EPS15: variants seen among roughly 807,000 people sequenced by gnomAD.
EPS15 encodes epidermal growth factor receptor pathway substrate 15.
Under a neutral mutation model 113.8 loss-of-function variants are expected in EPS15, and 72 were observed. The observed-to-expected ratio is 0.63, with a 90% CI of 0.52 to 0.77. The LOEUF (loss-of-function observed/expected upper bound fraction) is 0.77, where lower values mean the gene tolerates loss of function less well. Ranked by LOEUF, EPS15 falls within the 30% of genes least tolerant of loss-of-function variation. The probability of loss-of-function intolerance (pLI) is 0.00; values close to 1 mark genes in which losing one functional copy is unlikely to be tolerated. For synonymous variants in EPS15, 344 were observed against 363.4 expected (o/e 0.95, Z 0.61); for missense variants, 1,048 against 1,045.8 (o/e 1.00, Z -0.03).
chr1:51,409,771 C>T, intron 13 of EPS15, 75 bp from the exon 14 acceptor site: 3 of 1,005,664 alleles, frequency 3.0e-6, no homozygotes, highest in Admixed American at 2.3e-5. Context: ...TTTAAATCTA[C>T]CTTAAGAAAG....
chr1:51,461,746 C>T (rs1473532475), intron 7 of EPS15: 1 of 152,120 alleles, frequency 6.6e-6, no homozygotes, highest in African/African-American at 2.4e-5. Context: ...GGAAACAATA[C>T]TAAAAAATGG....
intron 1 of EPS15, among the ~76,000 whole-genome samples, chr1:51,507,420 T>C (rs998902373): frequency 6.6e-6 from 1 of 152,136 alleles, no homozygotes; most frequent in Non-Finnish European, 1.5e-5. Flanking sequence ...CCCAGCACTT[T>C]GGGAGGCTGA....
chr1:51,452,047 A>T (rs1033306426), intron 8 of EPS15, among the ~76,000 whole-genome samples: 1 of 150,984 alleles, frequency 6.6e-6, no homozygotes, highest in Non-Finnish European at 1.5e-5. Context: ...AAACCCAGCT[A>T]ATTTTTTTTT....
At chr1:51,397,664 G>A (rs1191434001) in intron 20 of EPS15, among the ~76,000 whole-genome samples, 2 of 152,134 alleles carry the variant, frequency 1.3e-5, no homozygotes, top group South Asian at 2.1e-4. Flanking sequence ...TATCTGTCCA[G>A]TTTTTATTCA....
In EPS15 at chr1:51,468,539, T is replaced by C. The variant is rs746368103; in HGVS notation, c.243A>G (p.Ala81=). ...QEFFVALRLV[A]CAQNGLEVSL... ...AAACTTCCAATCCATTCTGGGCACA[T>C]GCCACAAGACGCAAAGCAACAAAGA... The change falls in exon 5 of 25, where the codon GCA becomes GCG. Residue 81 remains alanine, a synonymous_variant. Coordinates refer to ENST00000371733, the MANE Select transcript of EPS15 (RefSeq NM_001981.3). 230 of 1,613,480 alleles carry C rather than the reference T, an allele frequency of 1.4e-4. No homozygotes were observed. Among genetic ancestry groups the C allele is most frequent in the Non-Finnish European group, 1.9e-4 (225 of 1,179,650 alleles).
chr1:51,369,740 C>T (rs79515231), intron 21 of EPS15, among the ~76,000 whole-genome samples: 37 of 152,072 alleles, frequency 2.4e-4, no homozygotes, highest in African/African-American at 8.4e-4. Flanking sequence ...TATCCCTTAC[C>T]CTGATTTAAT....
intron 20 of EPS15, among the ~76,000 whole-genome samples, chr1:51,395,401 A>T (rs1367491670): frequency 1.3e-5 from 2 of 152,128 alleles, no homozygotes; most frequent in African/African-American, 4.8e-5. Context: ...CACTATTTTA[A>T]TTCTCAAATA....
At chr1:51,472,525 A>G (rs1655315232) in intron 3 of EPS15, among the ~76,000 whole-genome samples, 1 of 152,206 alleles carries the variant, frequency 6.6e-6, no homozygotes, top group Admixed American at 6.5e-5. Flanking sequence ...AAACAGAGAC[A>G]GTTATAACAG....
intron 23 of EPS15, among the ~76,000 whole-genome samples, chr1:51,362,566 AT>A (rs1646412479): frequency 6.6e-6 from 1 of 152,244 alleles, no homozygotes; most frequent in South Asian, 2.1e-4. Flanking sequence ...TTTTAAATAT[AT>A]TCTGATAACC....
At chr1:51,513,811 A>G (rs1052631545) in intron 1 of EPS15, among the ~76,000 whole-genome samples, 4 of 152,222 alleles carry the variant, frequency 2.6e-5, no homozygotes, top group Admixed American at 6.5e-5. Flanking sequence ...ATCAATTAAT[A>G]TAATTATTAT....
At chr1:51,460,242 A>C (rs550890232) in intron 8 of EPS15, among the ~76,000 whole-genome samples, 55 of 152,330 alleles carry the variant, frequency 3.6e-4, no homozygotes, top group Middle Eastern at 3.4e-3. Context: ...GTAAAAGGGA[A>C]ATTAGAAATT....
At chr1:51,517,327 C>T (rs1045960872) in intron 1 of EPS15, among the ~76,000 whole-genome samples, 1 of 152,172 alleles carries the variant, frequency 6.6e-6, no homozygotes, top group Non-Finnish European at 1.5e-5. Context: ...TTACTGTGTA[C>T]ACATTAATAC....
chr1:51,510,753 T>C (rs777663606), intron 1 of EPS15, among the ~76,000 whole-genome samples: 3 of 152,246 alleles, frequency 2.0e-5, no homozygotes, highest in Non-Finnish European at 2.9e-5. Flanking sequence ...TCAATATTTA[T>C]GCACAAGGAG....
chr1:51,508,213 GAAA>G (rs1644533640), intron 1 of EPS15, among the ~76,000 whole-genome samples: 2 of 87,866 alleles, frequency 2.3e-5, no homozygotes, highest in South Asian at 7.3e-4. Flanking sequence ...GAAAAGAAAA[GAAA>G]AGAAAAGAAA....
chr1:51,466,521 G>A (rs996809061), intron 5 of EPS15, among the ~76,000 whole-genome samples: 1 of 151,644 alleles, frequency 6.6e-6, no homozygotes, highest in Non-Finnish European at 1.5e-5. Context: ...TACTCAGGAG[G>A]CTAAGGCAGG....
chr1:51,444,851 A>C, intron 11 of EPS15, 38 bp downstream of exon 11: 1 of 1,577,294 alleles, frequency 6.3e-7, no homozygotes, highest in Non-Finnish European at 8.7e-7. Flanking sequence ...TGTTCCTTTG[A>C]AATTAATACA....
chr1:51,475,042 T>C (rs1471845558), intron 2 of EPS15, among the ~76,000 whole-genome samples: 1 of 152,184 alleles, frequency 6.6e-6, no homozygotes, highest in Non-Finnish European at 1.5e-5. Context: ...TAGTATTCCA[T>C]GTTGTATAAG....
At chr1:51,377,817 C>T (rs1018938970) in intron 21 of EPS15, among the ~76,000 whole-genome samples, 3 of 151,912 alleles carry the variant, frequency 2.0e-5, no homozygotes, top group Non-Finnish European at 2.9e-5. Flanking sequence ...CTTGATCAGT[C>T]GGCAGCCACC....
At chr1:51,403,984 T>C (rs1648842205) in intron 16 of EPS15, among the ~76,000 whole-genome samples, 1 of 152,216 alleles carries the variant, frequency 6.6e-6, no homozygotes, top group South Asian at 2.1e-4. Context: ...GTGACCCTTC[T>C]GGTTAAAAGT....
Sources: gnomAD v4.1 joint callset for allele counts (sites outside exome capture counted in the v4.1 genomes callset) on GRCh38, gnomAD v4.1.1 for gene constraint, MANE v1.5 for transcripts, NCBI Gene and HGNC (gene_info 2026-07-23, HGNC 2026-07-21) for gene names.